Variants in ATP6V0A4 observed in about 807,000 individuals in gnomAD.
ATP6V0A4 encodes V-type proton ATPase 116 kDa subunit a 4.
A neutral mutation model predicts 107.3 loss-of-function variants in ATP6V0A4; 86 were observed. The observed-to-expected ratio is 0.80, with a 90% confidence interval of 0.67 to 0.96. ATP6V0A4 has a LOEUF of 0.96. Ranked by LOEUF, ATP6V0A4 falls within the 40% of genes least tolerant of loss-of-function variation. The pLI is 0.00. For missense variants in ATP6V0A4, 908 were observed against 1,045.6 expected, an observed-to-expected ratio of 0.87 and a Z score of 1.81; for synonymous variants, 353 against 381.4, an observed-to-expected ratio of 0.93 and a Z score of 0.87.
At chr7:138,759,286 C>T (rs1280004902) in intron 8 of ATP6V0A4, among the ~76,000 whole-genome samples, 1 of 151,796 alleles carries the variant, frequency 6.6e-6, no homozygotes, top group Non-Finnish European at 1.5e-5. Context: ...ATCCCCTGAC[C>T]TCAAACGATC....
In ATP6V0A4 at chr7:138,771,216, C is replaced by T; in HGVS notation, c.32G>A (p.Cys11Tyr). 1 of 1,614,082 alleles carries T rather than the reference C, an allele frequency of 6.2e-7. No individual in the cohort carries two copies. The highest frequency in any genetic ancestry group is 8.5e-7 in the Non-Finnish European group (1 of 1,179,956). Residue 11 changes from cysteine (C) to tyrosine (Y), a missense_variant, in exon 3 of 22, where the codon TGT (cysteine) becomes TAT (tyrosine). Physicochemically the swap from Cys to Tyr is radical, Grantham distance 194 (BLOSUM62 -2). Transcript: ENST00000310018. The part of the protein sequence containing the change: MVSVFRSEEM[C>Y]LSQLFLQVEA... ...CACCTGGAGAAACAGTTGTGACAAA[C>T]ACATCTCCTCGCTTCGAAACACAGA...
intron 15 of ATP6V0A4, among the ~76,000 whole-genome samples, chr7:138,738,269 A>G (rs1014746541): frequency 6.6e-6 from 1 of 152,192 alleles, no homozygotes; most frequent in Non-Finnish European, 1.5e-5. Context: ...ACAAAATTGC[A>G]TCAGAGTAGA....
chr7:138,750,563 C>T lies in ATP6V0A4; in HGVS notation c.1030-1246G>A, dbSNP rs1364785906. On this transcript the variant is annotated intron_variant, in intron 11 of 21. Transcript: ENST00000310018. ...CCCTGTCCAGGAACCGTACAGCCAC[C>T]GCACACCCGACAGCACGTGCCACAT... Among the ~76,000 whole-genome samples, 5 of 152,214 alleles carry T rather than the reference C, an allele frequency of 3.3e-5. No individual in the cohort carries two copies. In the East Asian group the frequency reaches 7.7e-4, roughly 24 times the overall value.
intron 20 of ATP6V0A4, among the ~76,000 whole-genome samples, chr7:138,712,515 G>A (rs550458004): frequency 3.3e-5 from 5 of 152,214 alleles, no homozygotes; most frequent in Non-Finnish European, 5.9e-5. Context: ...TGAAAGCCCC[G>A]GCACACAAAG....
In ATP6V0A4 at chr7:138,771,227, G is replaced by A. The variant is rs777850731; in HGVS notation, c.21C>T (p.Ser7=). ...ACAGTTGTGACAAACACATCTCCTC[G>A]CTTCGAAACACAGACACCATCTTGG... MVSVFR[S]EEMCLSQLFL... The change falls in exon 3 of 22, where the codon AGC becomes AGT. Residue 7 remains serine (S), a synonymous_variant. Coordinates refer to ENST00000310018, the MANE Select transcript of ATP6V0A4 (RefSeq NM_020632.3). 50 of 1,613,586 alleles carry A rather than the reference G, an allele frequency of 3.1e-5. No homozygotes were observed. Among genetic ancestry groups the A allele is most frequent in the African/African-American group, 5.3e-5 (4 of 74,858 alleles).
intron 15 of ATP6V0A4, among the ~76,000 whole-genome samples, chr7:138,737,873 T>C (rs907466650): frequency 5.3e-5 from 8 of 151,894 alleles, no homozygotes; most frequent in African/African-American, 1.9e-4. Context: ...GCAATTCTCC[T>C]GCCTCAGCCT....
At chr7:138,720,626 C>G (rs1047364561) in intron 19 of ATP6V0A4, among the ~76,000 whole-genome samples, 2 of 151,928 alleles carry the variant, frequency 1.3e-5, no homozygotes, top group Non-Finnish European at 2.9e-5. Flanking sequence ...TTCATTAATT[C>G]TAATTAATCA....
intron 18 of ATP6V0A4, among the ~76,000 whole-genome samples, chr7:138,728,256 C>T (rs965600398): frequency 3.9e-5 from 6 of 151,954 alleles, no homozygotes; most frequent in Non-Finnish European, 8.8e-5. Flanking sequence ...GACGGTTTTT[C>T]GCCCTTTCGC....
chr7:138,731,291 C>T (rs996322354), intron 17 of ATP6V0A4, among the ~76,000 whole-genome samples: 17 of 152,114 alleles, frequency 1.1e-4, no homozygotes, highest in Non-Finnish European at 2.1e-4. Context: ...AGGAACTGAA[C>T]TCATGAGAAG....
chr7:138,750,921 C>T (rs1180510899), intron 11 of ATP6V0A4, among the ~76,000 whole-genome samples: 1 of 152,094 alleles, frequency 6.6e-6, no homozygotes, highest in African/African-American at 2.4e-5. Context: ...TTTATCTGTA[C>T]GAAGGGGATA....
intron 3 of ATP6V0A4, among the ~76,000 whole-genome samples, chr7:138,770,922 C>T (rs1807347032): frequency 6.6e-6 from 1 of 151,314 alleles, no homozygotes; most frequent in South Asian, 2.1e-4. Flanking sequence ...AGGAGACAGG[C>T]ATGGAGGGAG....
At chr7:138,746,509 T>A (rs188055699) in intron 13 of ATP6V0A4, among the ~76,000 whole-genome samples, 8 of 145,584 alleles carry the variant, frequency 5.5e-5, no homozygotes, top group Non-Finnish European at 7.6e-5. Flanking sequence ...TTGCAGATAT[T>A]TTTTTTTTTT....
intron 21 of ATP6V0A4, among the ~76,000 whole-genome samples, chr7:138,707,772 A>G (rs946855038): frequency 1.3e-5 from 2 of 148,636 alleles, no homozygotes; most frequent in African/African-American, 5.0e-5. Context: ...CCTCCCCTTC[A>G]TTTCCTCCAG....
chr7:138,746,674 T>C (rs191328459), intron 13 of ATP6V0A4, among the ~76,000 whole-genome samples: 158 of 152,234 alleles, frequency 1.0e-3, no homozygotes, highest in African/African-American at 3.7e-3. Context: ...TGGCTAATTT[T>C]TGTATTTTTA....
intron 20 of ATP6V0A4, among the ~76,000 whole-genome samples, chr7:138,712,539 T>A (rs1015524333): frequency 1.3e-5 from 2 of 152,190 alleles, no homozygotes; most frequent in African/African-American, 4.8e-5. Flanking sequence ...AAATTTCTTG[T>A]ATAAGTTACT....
At chr7:138,765,809 A>C (rs1000512449) in intron 5 of ATP6V0A4, among the ~76,000 whole-genome samples, 1 of 152,150 alleles carries the variant, frequency 6.6e-6, no homozygotes, top group Non-Finnish European at 1.5e-5. Flanking sequence ...GCTAGGGTGC[A>C]GTGGTGTGAA....
chr7:138,734,411 A>C, intron 15 of ATP6V0A4, 157 bp from the exon 16 acceptor site: 1 of 673,994 alleles, frequency 1.5e-6, no homozygotes, highest in Non-Finnish European at 1.8e-6. Context: ...GAGTCCAAAA[A>C]GGAAAAAAGG....
In ATP6V0A4 at chr7:138,794,966, C is replaced by T. The variant is rs138950048; in HGVS notation, c.-121+3068G>A. Among the ~76,000 whole-genome samples the T allele has an allele frequency of 3.2e-3, 477 of 151,294 alleles. 2 individuals carry two copies. The highest frequency in any genetic ancestry group is 0.011 in the African/African-American group (460 of 41,110). On this transcript the variant is annotated intron_variant, in intron 1 of 21. Transcript: ENST00000310018. ...AGGCTGGAGTGCAGTGGCACAATCA[C>T]GGTTCACTATAACCTCCACCTCCCC...
rs1284339674 is a variant in ATP6V0A4 at position 138,745,185 on chromosome 7, C to G, written c.1416G>C (p.Lys472Asn). Residue 472 changes from lysine to asparagine, a missense_variant, in exon 14 of 22, where the codon AAG becomes AAC. By Grantham distance (94) the Lys-to-Asn change is moderately conservative (BLOSUM62 0). Coordinates refer to ENST00000310018, the MANE Select transcript of ATP6V0A4 (RefSeq NM_020632.3). ...AAGAAGAGCCAAAGATGTTCAAGGA[C>G]TTGGAGAAGCAGTCATTGTAGATCA... ...TGLIYNDCFS[K>N]SLNIFGSSWS... 1 of 1,614,200 alleles carries G rather than the reference C, an allele frequency of 6.2e-7. No individual in the cohort carries two copies. Among genetic ancestry groups the G allele is most frequent in the Non-Finnish European group, 8.5e-7 (1 of 1,180,034 alleles).
Sources: gnomAD v4.1 joint callset for allele counts (sites outside exome capture counted in the v4.1 genomes callset) on GRCh38, gnomAD v4.1.1 for gene constraint, MANE v1.5 for transcripts, NCBI Gene and HGNC (gene_info 2026-07-23, HGNC 2026-07-21) for gene names.